RPRD1B: variants seen among roughly 807,000 people sequenced by gnomAD.
RPRD1B encodes the protein regulation of nuclear pre-mRNA domain containing 1B.
Under a neutral mutation model 41.5 loss-of-function variants are expected in RPRD1B, and 11 were observed. The ratio of observed to expected loss-of-function variants is 0.27; its 90% CI spans 0.17 to 0.44. The LOEUF (loss-of-function observed/expected upper bound fraction) is 0.44. Among genes scored for constraint, RPRD1B ranks in the 20% least tolerant of loss-of-function variants. RPRD1B has a pLI of 1.00. For synonymous variants in RPRD1B, 158 were observed against 155.6 expected (o/e 1.02, Z -0.12); for missense variants, 248 against 389.9 (o/e 0.64, Z 3.06).
chr20:38,041,582 T>C (rs1356024930), intron 2 of RPRD1B, among the ~76,000 whole-genome samples: 1 of 152,200 alleles, frequency 6.6e-6, no homozygotes, highest in African/African-American at 2.4e-5. Flanking sequence ...ATACTGAATC[T>C]TCATAACAGA....
intron 6 of RPRD1B, among the ~76,000 whole-genome samples, chr20:38,072,386 C>T (rs2074421546): frequency 6.6e-6 from 1 of 152,162 alleles, no homozygotes; most frequent in South Asian, 2.1e-4. Context: ...ATATGTCTAT[C>T]CTATGCTCAT....
chr20:38,059,583 C>G, intron 5 of RPRD1B, 63 bp downstream of exon 5: 1 of 1,515,876 alleles, frequency 6.6e-7, no homozygotes, highest in Non-Finnish European at 9.0e-7. Flanking sequence ...TGCAGTAACC[C>G]TAGGCCATAC....
intron 1 of RPRD1B, among the ~76,000 whole-genome samples, chr20:38,035,150 T>C (rs2073986211): frequency 6.6e-6 from 1 of 152,172 alleles, no homozygotes; most frequent in Admixed American, 6.5e-5. Context: ...AGTGTAGGCA[T>C]TCAGCAGATT....
At chr20:38,060,941 C>T (rs1436796941) in intron 5 of RPRD1B, among the ~76,000 whole-genome samples, 1 of 152,184 alleles carries the variant, frequency 6.6e-6, no homozygotes, top group Non-Finnish European at 1.5e-5. Flanking sequence ...GGTTAAATCA[C>T]ATTTTAAAAA....
At position 38,066,131 on chromosome 20, in the gene RPRD1B, T is replaced by C. The variant is rs1243197022; in HGVS notation, c.706T>C (p.Leu236=). The C allele has an allele frequency of 1.2e-6, 2 of 1,614,222 alleles. No homozygotes were observed. The highest frequency in any genetic ancestry group is 2.2e-5 in the East Asian group (1 of 44,892). The part of the protein sequence containing the change: ...LSKTVDEACL[L]LAEYNGRLAA... ...AAAAACAGTAGATGAAGCATGTCTG[T>C]TACTAGCAGAATATAACGGGCGCCT... Residue 236 remains leucine, a synonymous_variant, in exon 6 of 7, where the codon TTA becomes CTA. Transcript: ENST00000373433.
chr20:38,064,208 C>T (rs1384069463), intron 5 of RPRD1B, among the ~76,000 whole-genome samples: 1 of 152,182 alleles, frequency 6.6e-6, no homozygotes, highest in Non-Finnish European at 1.5e-5. Context: ...CACTTCTTCC[C>T]CTTCACCAAG....
chr20:38,049,368 T>C (rs1170447283), intron 3 of RPRD1B, among the ~76,000 whole-genome samples: 1 of 78,998 alleles, frequency 1.3e-5, no homozygotes, highest in African/African-American at 8.0e-5. Flanking sequence ...TCTTTTTTTC[T>C]TTTTTTTTTT....
At chr20:38,059,549 G>A (rs1428769906) in intron 5 of RPRD1B, 29 bp downstream of exon 5, 2 of 1,610,666 alleles carry the variant, frequency 1.2e-6, no homozygotes, top group Non-Finnish European at 1.7e-6. Flanking sequence ...GGTGAAAGGT[G>A]AGGAGAGAGG....
chr20:38,048,618 G>T, intron 3 of RPRD1B, 137 bp downstream of exon 3: 1 of 1,436,430 alleles, frequency 7.0e-7, no homozygotes. Context: ...CATGAATGAT[G>T]GTGAGAATTT....
intron 5 of RPRD1B, among the ~76,000 whole-genome samples, chr20:38,065,299 G>A (rs901437123): frequency 6.6e-5 from 10 of 152,176 alleles, no homozygotes; most frequent in African/African-American, 2.2e-4. Flanking sequence ...TTTTTTTCTG[G>A]CGGGGAGGGG....
chr20:38,060,453 T>C (rs1231025854), intron 5 of RPRD1B, among the ~76,000 whole-genome samples: 1 of 152,108 alleles, frequency 6.6e-6, no homozygotes, highest in Non-Finnish European at 1.5e-5. Context: ...TCAAGTGAAG[T>C]GTCAAGAAGG....
In RPRD1B at chr20:38,079,089, G is replaced by A. The variant is rs143486641; in HGVS notation, c.832-10637G>A. On this transcript the variant is annotated intron_variant, in intron 6 of 6. Coordinates refer to ENST00000373433, the MANE Select transcript of RPRD1B (RefSeq NM_021215.4). ...GTGTTCTTTCTCCATCAGATCTGTC[G>A]ATTCAAATGGAACAGTTTAGCAAGT... Among the ~76,000 whole-genome samples, 16 of 152,164 alleles carry A rather than the reference G, an allele frequency of 1.1e-4. No individual in the cohort carries two copies. The East Asian group carries it at 3.1e-3, about 29-fold the overall frequency.
chr20:38,056,035 G>A (rs988120598), intron 3 of RPRD1B, among the ~76,000 whole-genome samples: 2 of 152,098 alleles, frequency 1.3e-5, no homozygotes, highest in South Asian at 2.1e-4. Flanking sequence ...AAGTGAGGAC[G>A]GCCTGTATTG....
intron 6 of RPRD1B, among the ~76,000 whole-genome samples, chr20:38,082,296 C>T (rs887557076): frequency 5.3e-5 from 8 of 152,042 alleles, no homozygotes; most frequent in Admixed American, 2.6e-4. Flanking sequence ...CGGGAGATTC[C>T]GTGTTTCTAG....
intron 5 of RPRD1B, among the ~76,000 whole-genome samples, chr20:38,065,132 C>T (rs1025287254): frequency 1.3e-5 from 2 of 152,142 alleles, no homozygotes; most frequent in African/African-American, 4.8e-5. Context: ...AAACCTCTTT[C>T]TTATCAGACT....
At chr20:38,072,134 T>C (rs899817586) in intron 6 of RPRD1B, among the ~76,000 whole-genome samples, 1 of 152,204 alleles carries the variant, frequency 6.6e-6, no homozygotes, top group Non-Finnish European at 1.5e-5. Context: ...CTTCTAGAAG[T>C]TTTATAATTT....
rs2074617249 is a variant in RPRD1B, at chr20:38,092,249, A to C, written c.*2374A>C. 1.0e-6 allele frequency: 1 copy of C among 984,742 alleles called. No homozygotes were observed. Among genetic ancestry groups the C allele is most frequent in the Non-Finnish European group, 1.2e-6 (1 of 829,008 alleles). The allele number at this position is 984,742 out of a possible 1,614,324, so 61.0% of individuals were successfully genotyped here. A position where few individuals can be genotyped will look rare whatever the true frequency, so the allele number is the denominator to read the frequency against. On this transcript the variant is annotated 3_prime_UTR_variant, in exon 7 of 7. Transcript: ENST00000373433. ...TCTTAAAGAATATTTTCAAAGCTTA[A>C]ATTTGTATATTAATTTAGGACTATT...
At chr20:38,044,440 C>T (rs1169326484) in intron 2 of RPRD1B, among the ~76,000 whole-genome samples, 1 of 141,220 alleles carries the variant, frequency 7.1e-6, no homozygotes, top group Admixed American at 7.4e-5. Context: ...GTGGCTTGGT[C>T]TTGGCTCACT....
intron 2 of RPRD1B, among the ~76,000 whole-genome samples, chr20:38,044,513 A>C (rs912537277): frequency 1.3e-5 from 2 of 151,744 alleles, no homozygotes; most frequent in Non-Finnish European, 2.9e-5. Flanking sequence ...AGCTGGGACT[A>C]CAGGCGCCCG....
Sources: allele counts gnomAD v4.1 joint callset (sites outside exome capture counted in the v4.1 genomes callset), GRCh38; gene constraint gnomAD v4.1.1; transcripts MANE v1.5; gene names NCBI Gene and HGNC (gene_info 2026-07-23, HGNC 2026-07-21).